TYMP: variants seen among roughly 807,000 people sequenced by gnomAD.
The protein encoded by TYMP is gliostatin.
In TYMP, 46 loss-of-function variants were observed where a neutral mutation model predicts 42.3. That is an observed-to-expected ratio of 1.09 (90% CI 0.86 to 1.39). The LOEUF is 1.39. Among genes scored for constraint, TYMP ranks in the 40% most tolerant of loss-of-function variants. The pLI is 0.00. For missense variants in TYMP, 837 were observed against 677.6 expected, an observed-to-expected ratio of 1.24 and a Z score of -2.61; for synonymous variants, 363 against 308.0, an observed-to-expected ratio of 1.18 and a Z score of -1.87.
chr22:50,528,992 C>A (rs1003738758), intron 3 of TYMP, 144 bp downstream of exon 3: 8 of 824,582 alleles, frequency 9.7e-6, no homozygotes, highest in African/African-American at 1.7e-5. Flanking sequence ...GTGGGGAGAA[C>A]TGTGCTGGGG....
rs764542840 is a variant in TYMP, at chr22:50,527,736, T to C, written c.517-19A>G. ...CTTGCATCTGGTCAGACATCCCCTG[T>C]TCTCAGTGACTTATGGTAAATGACT... is the stretch of plus-strand genomic sequence containing the variant. On this transcript the variant is annotated intron_variant, in intron 4 of 9. Transcript: ENST00000252029. 3 of 1,605,382 alleles carry C rather than the reference T, an allele frequency of 1.9e-6. No homozygotes were observed. Among genetic ancestry groups the C allele is most frequent in the Non-Finnish European group, 2.6e-6 (3 of 1,174,658 alleles).
chr22:50,527,882 C>T (rs1223746403), intron 4 of TYMP, 165 bp from the exon 5 acceptor site: 3 of 770,710 alleles, frequency 3.9e-6, no homozygotes, highest in Non-Finnish European at 2.1e-6. Context: ...CTTAAGTGAT[C>T]CTCCCACCTC....
chr22:50,528,262 C>T (rs151169209), intron 4 of TYMP: 4 of 562,410 alleles, frequency 7.1e-6, no homozygotes, highest in Middle Eastern at 4.8e-4. Context: ...TCTTCGGCCT[C>T]CCCAAGTGCT....
rs1379834194 is a variant in TYMP, at chr22:50,529,334, G to A, written c.219C>T (p.Ala73=). Residue 73 remains alanine, a synonymous_variant, in exon 3 of 10, where the codon GCC becomes GCT. Coordinates refer to ENST00000252029, the MANE Select transcript of TYMP (RefSeq NM_001953.5). ...CCCGAAGTCGGATGGCCATCAGCATGGCCCCTGGTATGTGGGGGTACGCGT... is the reference window on the plus strand; with the variant it reads ...CCCGAAGTCGGATGGCCATCAGCATAGCCCCTGGTATGTGGGGGTACGCGT... The part of the protein sequence containing the change: ...NGSAQGAQIG[A]MLMAIRLRGM... 2 of 1,613,142 alleles carry A rather than the reference G, an allele frequency of 1.2e-6. No individual in the cohort carries two copies. The highest frequency in any genetic ancestry group is 2.7e-5 in the African/African-American group (2 of 74,928).
intron 4 of TYMP, 33 bp from the exon 5 acceptor site, chr22:50,527,750 T>C (rs780046939): frequency 2.6e-5 from 42 of 1,604,986 alleles, no homozygotes; most frequent in Admixed American, 1.8e-4. Context: ...CAGTGACTTA[T>C]GGTAAATGAC....
At chr22:50,528,959 C>T in intron 3 of TYMP, 177 bp downstream of exon 3, 1 of 739,094 alleles carries the variant, frequency 1.4e-6, no homozygotes, top group Non-Finnish European at 2.3e-6. Context: ...AGAGGGGCCC[C>T]AAGCGCTGTG....
In TYMP at chr22:50,526,595, C is replaced by T. The variant is rs1333345258; in HGVS notation, c.909G>A (p.Arg303=). The change falls in exon 7 of 10, where the codon AGG becomes AGA. Residue 303 remains arginine (R), a synonymous_variant. Coordinates refer to ENST00000252029, the MANE Select transcript of TYMP (RefSeq NM_001953.5). ...CCTCACCGAGCGTGGTGACCAGGTC[C>T]CTTAAGTCTGGCGGGCCTGCGCCGT... ...CMDGAGPPDL[R]DLVTTLGGAL... 2.5e-6 allele frequency: 4 copies of T among 1,580,050 alleles called. No individual in the cohort carries two copies. The African/African-American group carries it at 4.0e-5, about 16-fold the overall frequency.
Position 50,526,722 on chromosome 22 carries a change from C to T in TYMP, c.782G>A (p.Ser261Asn). The T allele has an allele frequency of 6.5e-7, 1 of 1,537,506 alleles. No individual in the cohort carries two copies. Among genetic ancestry groups the T allele is most frequent in the South Asian group, 1.2e-5 (1 of 84,020 alleles). Reference sequence around the variant, plus strand: ...CGCTGCCGCGACCCGAAGCCCTAGGCTGGCTCCCACGCCAACCTGCGGAGA... The same window carrying T: ...CGCTGCCGCGACCCGAAGCCCTAGGTTGGCTCCCACGCCAACCTGCGGAGA... ...LAKTLVGVGASLGLRVAAALT... is the reference protein window; with the variant it reads ...LAKTLVGVGANLGLRVAAALT... Residue 261 changes from serine to asparagine, a missense_variant, in exon 7 of 10, where the codon AGC (serine) becomes AAC (asparagine). Coordinates refer to ENST00000252029, the MANE Select transcript of TYMP (RefSeq NM_001953.5).
Position 50,528,301 on chromosome 22 carries a change from C to T in TYMP, c.516+211G>A, listed in dbSNP as rs539003774. On this transcript the variant is annotated intron_variant, in intron 4 of 9. Coordinates refer to ENST00000252029, the MANE Select transcript of TYMP (RefSeq NM_001953.5). Reference sequence around the variant, plus strand: ...ACTACAGGTGTGAGCCACCGTGCCCCGCCAGCCATCTGTGATTTTGACCAA... The same window carrying T: ...ACTACAGGTGTGAGCCACCGTGCCCTGCCAGCCATCTGTGATTTTGACCAA... 1.0e-4 allele frequency: 63 copies of T among 629,554 alleles called. 1 individual carries two copies. The highest frequency in any genetic ancestry group is 5.4e-4 in the African/African-American group (30 of 56,028). The allele number at this position is 629,554 out of a possible 1,614,324, so 39.0% of individuals were successfully genotyped here.
At chr22:50,529,865 T>A in intron 1 of TYMP, 39 bp downstream of exon 1, 2 of 712,876 alleles carry the variant, frequency 2.8e-6, no homozygotes, top group Non-Finnish European at 4.6e-6. Flanking sequence ...CGTGTCTGCC[T>A]CCCGCTTCCC....
chr22:50,528,346 A>C, intron 4 of TYMP, 166 bp downstream of exon 4: 1 of 706,414 alleles, frequency 1.4e-6, no homozygotes, highest in East Asian at 2.7e-5. Flanking sequence ...TTATGATCCT[A>C]ATCAAAGTTC....
At position 50,525,938 on chromosome 22, in the gene TYMP, T is replaced by TA. The variant is rs1412857597; in HGVS notation, c.1301-21dup. On this transcript the variant is annotated intron_variant, in intron 9 of 9. Coordinates refer to ENST00000252029, the MANE Select transcript of TYMP (RefSeq NM_001953.5). Reference sequence around the variant, plus strand: ...GGGTCCCTGCAGAGCGAGGGGCTGTTAGAGGCCGCGCGGCCGGAGCTGGGC... The same window carrying TA: ...GGGTCCCTGCAGAGCGAGGGGCTGTTAAGAGGCCGCGCGGCCGGAGCTGGGC... 7 of 1,435,218 alleles carry TA rather than the reference T, an allele frequency of 4.9e-6. No homozygotes were observed. Among genetic ancestry groups the TA allele is most frequent in the Non-Finnish European group, 6.4e-6 (7 of 1,100,956 alleles). The allele number at this position is 1,435,218 out of a possible 1,614,324, so 88.9% of individuals were successfully genotyped here.
At chr22:50,527,522 C>T in intron 5 of TYMP, 66 bp downstream of exon 5, 1 of 1,612,494 alleles carries the variant, frequency 6.2e-7, no homozygotes, top group Non-Finnish European at 8.5e-7. Flanking sequence ...AACGAGAGGC[C>T]CTTGACTTGA....
At position 50,527,579 on chromosome 22, in the gene TYMP, T is replaced by A. The variant is rs561429005; in HGVS notation, c.646+9A>T. ...GAACATGCAGAAGCAGGCCATGGAG[T>A]CAGGTCACCTGTGATGAGTGGCAGG... On this transcript the variant is annotated intron_variant, in intron 5 of 9. Coordinates refer to ENST00000252029, the MANE Select transcript of TYMP (RefSeq NM_001953.5). 1.4e-5 allele frequency: 23 copies of A among 1,613,618 alleles called. No individual in the cohort carries two copies. The East Asian group carries it at 2.7e-4, about 19-fold the overall frequency.
At chr22:50,528,998 TG>T in intron 3 of TYMP, 137 bp downstream of exon 3, 3 of 864,484 alleles carry the variant, frequency 3.5e-6, no homozygotes, top group Non-Finnish European at 5.5e-6. Context: ...AGAACTGTGC[TG>T]GGGAGCAGGG....
intron 8 of TYMP, 49 bp from the exon 9 acceptor site, chr22:50,526,190 T>A (rs1342932023): frequency 6.8e-7 from 1 of 1,476,542 alleles, no homozygotes; most frequent in East Asian, 2.8e-5. Flanking sequence ...GGGCGGGGCC[T>A]CGGGAAGGGA....
rs2148679817 is a variant in TYMP at position 50,527,261 on chromosome 22, G to T, written c.669C>A (p.Leu223=). The T allele has an allele frequency of 2.5e-6, 4 of 1,613,598 alleles. No homozygotes were observed. Among genetic ancestry groups the T allele is most frequent in the African/African-American group, 2.7e-5 (2 of 75,054 alleles). The stretch of plus-strand genomic sequence containing the variant: ...CCACCAGAGCGGACAGCCCCTCCAC[G>T]AGTTTCTTACTGAGAATGGAGGCTT... The part of the protein sequence containing the change: ...LITASILSKK[L]VEGLSALVVD... The change falls in exon 6 of 10, where the codon CTC becomes CTA. Residue 223 remains leucine (L), a synonymous_variant. Transcript: ENST00000252029.
chr22:50,526,490 C>G lies in TYMP; in HGVS notation c.929-14G>C. ...GCAGGGCGCCCCCTGCGGGCGGGGA[C>G]GGGTCTTAGGCGCGGCCGGGTCGGG... is the stretch of plus-strand genomic sequence containing the variant. On this transcript the variant is annotated splice_polypyrimidine_tract_variant and intron_variant, in intron 7 of 9. Coordinates refer to ENST00000252029, the MANE Select transcript of TYMP (RefSeq NM_001953.5). 1 of 1,500,682 alleles carries G rather than the reference C, an allele frequency of 6.7e-7. No individual in the cohort carries two copies. Among genetic ancestry groups the G allele is most frequent in the Non-Finnish European group, 8.8e-7 (1 of 1,131,014 alleles). 93.0% of individuals were successfully genotyped at this position (1,500,682 alleles called of 1,614,324 possible).
In TYMP at chr22:50,526,000, C is replaced by A; in HGVS notation, c.1300+1G>T. On this transcript the variant is annotated splice_donor_variant, in intron 9 of 9. Transcript: ENST00000252029. LOFTEE classifies it high-confidence loss of function. ...GCCAGCAGGGCGGGGGCGGCGCTCA[C>A]CACGGCGCAGCCTCTGACCCACGTC... The A allele has an allele frequency of 7.0e-7, 1 of 1,432,928 alleles. No homozygotes were observed. The highest frequency in any genetic ancestry group is 1.4e-5 in the South Asian group (1 of 71,102). The allele number at this position is 1,432,928 out of a possible 1,614,324, so 88.8% of individuals were successfully genotyped here. A position where few individuals can be genotyped will look rare whatever the true frequency, so the allele number is the denominator to read the frequency against.
Sources: allele counts gnomAD v4.1 joint callset, GRCh38; gene constraint gnomAD v4.1.1; transcripts MANE v1.5; gene names NCBI Gene and HGNC (gene_info 2026-07-23, HGNC 2026-07-21).